The following ARHGEF7 variants were observed in gnomAD, a reference collection of about 807,000 sequenced individuals.
The protein encoded by ARHGEF7 is Rho guanine nucleotide exchange factor 7.
Under a neutral mutation model 109.8 loss-of-function variants are expected in ARHGEF7, and 33 were observed. The observed-to-expected ratio is 0.30, with a 90% CI of 0.23 to 0.40. The LOEUF is 0.40. Among genes scored for constraint, ARHGEF7 ranks in the 10% least tolerant of loss-of-function variants. The pLI is 1.00. For synonymous variants in ARHGEF7, 458 were observed against 424.6 expected, an observed-to-expected ratio of 1.08 and a Z score of -0.97; for missense variants, 938 against 1,098.5, an observed-to-expected ratio of 0.85 and a Z score of 2.07.
chr13:111,260,183 G>T (rs940376178), intron 8 of ARHGEF7, among the ~76,000 whole-genome samples: 2 of 152,232 alleles, frequency 1.3e-5, no homozygotes, highest in East Asian at 1.9e-4. Flanking sequence ...AGACATAGGG[G>T]TAGAAAGTTT....
At chr13:111,118,208 A>G (rs1270964601) in intron 1 of ARHGEF7, among the ~76,000 whole-genome samples, 2 of 152,220 alleles carry the variant, frequency 1.3e-5, no homozygotes, top group Non-Finnish European at 2.9e-5. Context: ...TTAAGAAACC[A>G]TGCCCTAATG....
chr13:111,240,079 G>A (rs1351040254), intron 6 of ARHGEF7, among the ~76,000 whole-genome samples: 1 of 152,146 alleles, frequency 6.6e-6, no homozygotes, highest in Non-Finnish European at 1.5e-5. Flanking sequence ...AAGGGAAACA[G>A]ACCGATAGAC....
rs1398402236 is a variant in ARHGEF7 at position 111,221,419 on chromosome 13, ATATATC to A, written c.670+3545_670+3550del. Among the ~76,000 whole-genome samples, 51 of 15,644 alleles carry A rather than the reference ATATATC, an allele frequency of 3.3e-3. 16 individuals are homozygous for A. The highest frequency in any genetic ancestry group is 0.028 in the East Asian group (6 of 214). 10.3% of individuals were successfully genotyped at this position (15,644 alleles called of 152,430 possible). On this transcript the variant is annotated intron_variant, in intron 5 of 21. Coordinates refer to ENST00000646102, the MANE Select transcript of ARHGEF7 (RefSeq NM_001354046.2). Reference sequence around the variant, plus strand: ...TATATATCTATATATATAGATGTCTATATATCTATATATAGATATATATATCTATAT... The same window carrying A: ...TATATATCTATATATATAGATGTCTATATATATAGATATATATATCTATAT...
chr13:111,191,927 A>G (rs1407820157), intron 2 of ARHGEF7, among the ~76,000 whole-genome samples: 2 of 152,182 alleles, frequency 1.3e-5, no homozygotes, highest in African/African-American at 4.8e-5. Flanking sequence ...CACAAAGAGT[A>G]TGGTTAGTAT....
intron 18 of ARHGEF7, among the ~76,000 whole-genome samples, chr13:111,288,767 ATTAGT>A (rs1187309313): frequency 1.3e-5 from 2 of 152,242 alleles, no homozygotes; most frequent in Non-Finnish European, 2.9e-5. Context: ...ATAGTGGAAG[ATTAGT>A]TCAGTTATTT....
chr13:111,220,680 G>A (rs969276310), intron 5 of ARHGEF7, among the ~76,000 whole-genome samples: 1 of 152,142 alleles, frequency 6.6e-6, no homozygotes. Flanking sequence ...GTGGGCCCTT[G>A]AGCTGGCAGC....
chr13:111,295,646 G>T (rs2093411448), intron 19 of ARHGEF7, among the ~76,000 whole-genome samples: 1 of 152,200 alleles, frequency 6.6e-6, no homozygotes, highest in Admixed American at 6.5e-5. Context: ...GATAGGACAA[G>T]GTGCAGACAG....
intron 2 of ARHGEF7, chr13:111,182,583 G>C (rs551161939): frequency 6.6e-6 from 1 of 152,262 alleles, no homozygotes. Context: ...CGAATACCAG[G>C]AACTTCAGCT....
At chr13:111,191,915 A>G (rs530436513) in intron 2 of ARHGEF7, among the ~76,000 whole-genome samples, 11 of 152,368 alleles carry the variant, frequency 7.2e-5, no homozygotes, top group African/African-American at 2.6e-4. Flanking sequence ...ATATAGCCCT[A>G]TCACAAAGAG....
At chr13:111,231,292 A>G (rs1199328668) in intron 5 of ARHGEF7, among the ~76,000 whole-genome samples, 1 of 152,234 alleles carries the variant, frequency 6.6e-6, no homozygotes, top group Admixed American at 6.5e-5. Context: ...TGAGTAGGTA[A>G]GTGTGCTAGC....
At chr13:111,206,233 A>G (rs545725489) in intron 3 of ARHGEF7, among the ~76,000 whole-genome samples, 3 of 147,374 alleles carry the variant, frequency 2.0e-5, no homozygotes, top group Admixed American at 1.3e-4. Flanking sequence ...GGCCCTTCAG[A>G]GGGGGGGGTG....
At chr13:111,281,746 A>G (rs1567068719) in intron 15 of ARHGEF7, among the ~76,000 whole-genome samples, 1 of 152,180 alleles carries the variant, frequency 6.6e-6, no homozygotes, top group Non-Finnish European at 1.5e-5. Flanking sequence ...ACAATTTTAT[A>G]TCAAGTCAGC....
rs373451001 is a variant in ARHGEF7 at position 111,221,495 on chromosome 13, A to C, written c.670+3615A>C. 3.8e-3 allele frequency among the ~76,000 whole-genome samples: 235 copies of C among 61,678 alleles called. 3 individuals carry two copies. The highest frequency in any genetic ancestry group is 0.019 in the Middle Eastern group (1 of 54). 40.5% of individuals were successfully genotyped at this position (61,678 alleles called of 152,430 possible). A position where few individuals can be genotyped will look rare whatever the true frequency, so the allele number is the denominator to read the frequency against. On this transcript the variant is annotated intron_variant, in intron 5 of 21. Transcript: ENST00000646102. ...TATATATATAGATATATATAGACATATATATATCTATATATATAGATATAT... is the reference window on the plus strand; with the variant it reads ...TATATATATAGATATATATAGACATCTATATATCTATATATATAGATATAT...
chr13:111,302,158 C>T (rs1035889935), intron 21 of ARHGEF7, among the ~76,000 whole-genome samples: 1 of 152,152 alleles, frequency 6.6e-6, no homozygotes, highest in South Asian at 2.1e-4. Context: ...CCTTGGCTCC[C>T]GAAGCCAGGT....
rs1280053821 is a variant in ARHGEF7 at position 111,233,317 on chromosome 13, A to C, written c.759+24A>C. ...TGGTGAGTAATTGCAGAACATTTTT[A>C]AACTAACTGGTTTTTGACTGCCTGT... is the stretch of plus-strand genomic sequence containing the variant. On this transcript the variant is annotated intron_variant, in intron 6 of 21. Coordinates refer to ENST00000646102, the MANE Select transcript of ARHGEF7 (RefSeq NM_001354046.2). The C allele has an allele frequency of 1.9e-6, 3 of 1,590,236 alleles. 1 individual carries two copies. Among genetic ancestry groups the C allele is most frequent in the East Asian group, 4.5e-5 (2 of 44,740 alleles).
chr13:111,233,378 T>A, intron 6 of ARHGEF7, 85 bp downstream of exon 6: 1 of 1,057,094 alleles, frequency 9.5e-7, no homozygotes, highest in Non-Finnish European at 1.5e-6. Flanking sequence ...GTAAAGTACC[T>A]AGAATAGGAA....
At chr13:111,154,408 A>C (rs2153378608) in intron 2 of ARHGEF7, among the ~76,000 whole-genome samples, 1 of 152,294 alleles carries the variant, frequency 6.6e-6, no homozygotes. Context: ...CAGGCCTTAG[A>C]ATCCTCAGCA....
chr13:111,197,136 T>C (rs1240461507), intron 2 of ARHGEF7, among the ~76,000 whole-genome samples: 1 of 152,176 alleles, frequency 6.6e-6, no homozygotes, highest in East Asian at 1.9e-4. Context: ...TGGACCCTGC[T>C]GATCGGAATA....
intron 13 of ARHGEF7, 21 bp from the exon 14 acceptor site, chr13:111,280,251 G>A: frequency 6.9e-7 from 1 of 1,453,888 alleles, no homozygotes; most frequent in Non-Finnish European, 9.3e-7. Context: ...TTTTTTTTTT[G>A]TGGGGGGGGG....
Sources: gnomAD v4.1 joint callset for allele counts (sites outside exome capture counted in the v4.1 genomes callset) on GRCh38, gnomAD v4.1.1 for gene constraint, MANE v1.5 for transcripts, NCBI Gene and HGNC (gene_info 2026-07-23, HGNC 2026-07-21) for gene names.